Variants in TMA16 observed in about 807,000 individuals in gnomAD.
TMA16 encodes translation machinery-associated protein 16.
TMA16 carries 26 observed loss-of-function variants against 27.1 expected under a neutral mutation model. The ratio of observed to expected loss-of-function variants is 0.96; its 90% CI spans 0.70 to 1.33. The LOEUF is 1.33. Ranked by LOEUF, TMA16 falls within the 40% of genes most tolerant of loss-of-function variation. The pLI is 0.00. For missense variants in TMA16, 233 were observed against 241.4 expected, an observed-to-expected ratio of 0.97 and a Z score of 0.23; for synonymous variants, 71 against 81.9, an observed-to-expected ratio of 0.87 and a Z score of 0.72.
At chr4:163,503,876 G>A (rs914243790) in intron 1 of TMA16, among the ~76,000 whole-genome samples, 2 of 152,102 alleles carry the variant, frequency 1.3e-5, no homozygotes, top group Non-Finnish European at 2.9e-5. Context: ...GTGTCTCACT[G>A]TATATTCATA....
intron 1 of TMA16, among the ~76,000 whole-genome samples, chr4:163,496,073 G>T (rs1447920318): frequency 6.6e-6 from 1 of 152,204 alleles, no homozygotes; most frequent in Non-Finnish European, 1.5e-5. Context: ...CGTTGCTTTG[G>T]CATAGAAGTC....
At position 163,500,181 on chromosome 4, in the gene TMA16, C is replaced by T. The variant is rs115559734; in HGVS notation, c.3+5377C>T. Among the ~76,000 whole-genome samples, 1,075 of 150,864 alleles carry T rather than the reference C, an allele frequency of 7.1e-3. 16 individuals carry two copies. Among genetic ancestry groups the T allele is most frequent in the African/African-American group, 0.025 (1,037 of 41,090 alleles). On this transcript the variant is annotated intron_variant, in intron 1 of 6. Coordinates refer to ENST00000358572, the MANE Select transcript of TMA16 (RefSeq NM_018352.3). ...TATCCTAATTTAAATACTTAAGAAA[C>T]GTATAGTTTATTTATCCATTCTTTC...
At chr4:163,514,298 C>A in intron 4 of TMA16, 140 bp downstream of exon 4, 1 of 680,546 alleles carries the variant, frequency 1.5e-6, no homozygotes, top group Non-Finnish European at 2.3e-6. Flanking sequence ...CTGGCTTAGT[C>A]ACTATAGGAG....
chr4:163,499,721 T>G (rs1737617630), intron 1 of TMA16, among the ~76,000 whole-genome samples: 1 of 151,740 alleles, frequency 6.6e-6, no homozygotes, highest in Admixed American at 6.6e-5. Context: ...TTTTTTAAAT[T>G]TTTATTATTT....
At chr4:163,508,966 C>T (rs1274893460) in intron 2 of TMA16, among the ~76,000 whole-genome samples, 1 of 152,102 alleles carries the variant, frequency 6.6e-6, no homozygotes, top group African/African-American at 2.4e-5. Context: ...TTTAGTAATG[C>T]AGAGTAGAAA....
rs1046797533 is a variant in TMA16, at chr4:163,512,951, T to G, written c.154+92T>G. 6.4e-6 allele frequency: 6 copies of G among 936,410 alleles called. No homozygotes were observed. In the East Asian group the frequency reaches 1.5e-4, roughly 24 times the overall value. 58.0% of individuals were successfully genotyped at this position (936,410 alleles called of 1,614,324 possible). On this transcript the variant is annotated intron_variant, in intron 3 of 6. Transcript: ENST00000358572. The stretch of plus-strand genomic sequence containing the variant: ...TCTTTTTACTCTTTTAGTGAAATAC[T>G]GTTTTTATCAAAGTGAATTTGATCA...
chr4:163,513,080 C>G (rs1314273769), intron 3 of TMA16, among the ~76,000 whole-genome samples: 1 of 152,152 alleles, frequency 6.6e-6, no homozygotes, highest in Non-Finnish European at 1.5e-5. Flanking sequence ...TATTTATCTA[C>G]CTACCTACCT....
At chr4:163,495,168 C>T (rs762592799) in intron 1 of TMA16, among the ~76,000 whole-genome samples, 1 of 152,208 alleles carries the variant, frequency 6.6e-6, no homozygotes, top group Non-Finnish European at 1.5e-5. Flanking sequence ...ACACCTCTGC[C>T]TCTCTGGCCT....
Position 163,519,332 on chromosome 4 carries a change from A to G in TMA16, c.432-2A>G, listed in dbSNP as rs1439967392. 1.9e-6 allele frequency: 3 copies of G among 1,539,046 alleles called. No homozygotes were observed. The highest frequency in any genetic ancestry group is 2.6e-6 in the Non-Finnish European group (3 of 1,149,516). ...CTCTTTTTTTTTTTTCCTTTTGTCT[A>G]GGGAATGGGACTTTGATCTGAAGAA... On this transcript the variant is annotated splice_acceptor_variant, in intron 6 of 6. Coordinates refer to ENST00000358572, the MANE Select transcript of TMA16 (RefSeq NM_018352.3). LOFTEE classifies it high-confidence loss of function.
intron 2 of TMA16, among the ~76,000 whole-genome samples, chr4:163,507,729 A>G (rs1455635701): frequency 2.0e-5 from 3 of 152,088 alleles, no homozygotes; most frequent in Non-Finnish European, 4.4e-5. Context: ...TCTACCATTT[A>G]GAGGTTAGGA....
chr4:163,499,370 C>T lies in TMA16; in HGVS notation c.3+4566C>T, dbSNP rs1317449661. ...GAATTTTATATAATGTTTAGAAAGA[C>T]CTTTCTCTGAGACTCCTCTACAAAA... is the stretch of plus-strand genomic sequence containing the variant. On this transcript the variant is annotated intron_variant, in intron 1 of 6. Transcript: ENST00000358572. Among the ~76,000 whole-genome samples, 3 of 152,104 alleles carry T rather than the reference C, an allele frequency of 2.0e-5. No homozygotes were observed. In the East Asian group the frequency reaches 5.8e-4, roughly 29 times the overall value.
chr4:163,503,112 G>C (rs138394081), intron 1 of TMA16, among the ~76,000 whole-genome samples: 139 of 152,258 alleles, frequency 9.1e-4, no homozygotes, highest in African/African-American at 3.3e-3. Flanking sequence ...ATGCCATAGA[G>C]CCTGTGTGTA....
Position 163,515,472 on chromosome 4 carries a change from T to C in TMA16, c.388+11T>C. ...AGGGATATGGCCTTGGTGTGCTCAC[T>C]GATTTTTTATTTTCCTTTTATATGA... On this transcript the variant is annotated intron_variant, in intron 5 of 6. Coordinates refer to ENST00000358572, the MANE Select transcript of TMA16 (RefSeq NM_018352.3). 6.2e-7 allele frequency: 1 copy of C among 1,601,974 alleles called. No individual in the cohort carries two copies. The highest frequency in any genetic ancestry group is 8.5e-7 in the Non-Finnish European group (1 of 1,176,134).
Position 163,494,818 on chromosome 4 carries a change from T to A in TMA16, c.3+14T>A, listed in dbSNP as rs753189020. The A allele has an allele frequency of 1.2e-6, 2 of 1,611,558 alleles. No homozygotes were observed. The highest frequency in any genetic ancestry group is 1.3e-5 in the African/African-American group (1 of 74,924). ...GACGTCACCATGGTGGGCCCCCTCC[T>A]GCTCCCCCGAACCGCTCGGTTGGTT... is the stretch of plus-strand genomic sequence containing the variant. On this transcript the variant is annotated intron_variant, in intron 1 of 6. Coordinates refer to ENST00000358572, the MANE Select transcript of TMA16 (RefSeq NM_018352.3).
chr4:163,509,902 A>G (rs1260130699), intron 2 of TMA16, among the ~76,000 whole-genome samples: 1 of 152,248 alleles, frequency 6.6e-6, no homozygotes, highest in Non-Finnish European at 1.5e-5. Context: ...AACAAAGGAA[A>G]CTAAGCATGA....
intron 2 of TMA16, among the ~76,000 whole-genome samples, chr4:163,511,028 T>G (rs1480011037): frequency 6.6e-6 from 1 of 152,214 alleles, no homozygotes; most frequent in Non-Finnish European, 1.5e-5. Flanking sequence ...ATTCAGTTTA[T>G]AAGACGTTAG....
chr4:163,515,205 T>A (rs1737855917), intron 4 of TMA16, 108 bp from the exon 5 acceptor site: 3 of 1,144,366 alleles, frequency 2.6e-6, no homozygotes, highest in Non-Finnish European at 3.5e-6. Context: ...CAGAGAAACA[T>A]AAACATTTAA....
intron 1 of TMA16, among the ~76,000 whole-genome samples, chr4:163,503,529 C>A (rs774796828): frequency 2.6e-5 from 4 of 152,200 alleles, no homozygotes; most frequent in South Asian, 2.1e-4. Flanking sequence ...AGCGTATTGC[C>A]CCTAAAATAA....
chr4:163,501,041 T>C (rs981785594), intron 1 of TMA16, among the ~76,000 whole-genome samples: 17 of 152,354 alleles, frequency 1.1e-4, no homozygotes, highest in Non-Finnish European at 1.9e-4. Flanking sequence ...GAGGTAAACA[T>C]TTTTATTTTT....
Sources: gnomAD v4.1 joint callset for allele counts (sites outside exome capture counted in the v4.1 genomes callset) on GRCh38, gnomAD v4.1.1 for gene constraint, MANE v1.5 for transcripts, NCBI Gene and HGNC (gene_info 2026-07-23, HGNC 2026-07-21) for gene names.